PLEKHA2: variants seen among roughly 807,000 people sequenced by gnomAD.
The protein encoded by PLEKHA2 is pleckstrin homology domain-containing family A member 2.
PLEKHA2 carries 28 observed loss-of-function variants against 53.2 expected under a neutral mutation model. The observed-to-expected ratio is 0.53, with a 90% CI of 0.39 to 0.72. PLEKHA2 has a LOEUF of 0.72. PLEKHA2 is among the 30% of genes least tolerant of loss of function. PLEKHA2 has a pLI of 0.00. For missense variants in PLEKHA2, 426 were observed against 537.9 expected, an observed-to-expected ratio of 0.79 and a Z score of 2.06; for synonymous variants, 193 against 196.4, an observed-to-expected ratio of 0.98 and a Z score of 0.14.
chr8:38,948,019 G>A (rs1834747678), intron 5 of PLEKHA2, among the ~76,000 whole-genome samples: 1 of 149,220 alleles, frequency 6.7e-6, no homozygotes, highest in Admixed American at 6.8e-5. Flanking sequence ...CCAGGAGCTG[G>A]AGATTGCAGT....
At chr8:38,954,282 A>C (rs1588271253) in intron 9 of PLEKHA2, among the ~76,000 whole-genome samples, 2 of 152,226 alleles carry the variant, frequency 1.3e-5, no homozygotes, top group East Asian at 3.8e-4. Context: ...TGGCAGTTGC[A>C]GAGTACAGAA....
chr8:38,970,876 C>T lies in PLEKHA2; in HGVS notation c.*1093C>T, dbSNP rs1835236353. The T allele has an allele frequency of 1.3e-5, 2 of 152,172 alleles. No individual in the cohort carries two copies. The highest frequency in any genetic ancestry group is 4.8e-5 in the African/African-American group (2 of 41,440). The allele number at this position is 152,172 out of a possible 1,614,324, so 9.4% of individuals were successfully genotyped here. On this transcript the variant is annotated 3_prime_UTR_variant, in exon 12 of 12. Coordinates refer to ENST00000617275, the MANE Select transcript of PLEKHA2 (RefSeq NM_021623.2). ...TCCATTTGATAAGAAGATGCTATTT[C>T]CAGTGTCCCTGGGAGAATTCTTCCA... is the stretch of plus-strand genomic sequence containing the variant.
intron 3 of PLEKHA2, among the ~76,000 whole-genome samples, chr8:38,938,092 G>C (rs1834530180): frequency 6.6e-6 from 1 of 152,172 alleles, no homozygotes; most frequent in Non-Finnish European, 1.5e-5. Context: ...GCTGCACTTT[G>C]ACCCCTGCCT....
intron 1 of PLEKHA2, 63 bp from the exon 2 acceptor site, chr8:38,917,844 T>C: frequency 6.5e-7 from 1 of 1,535,648 alleles, no homozygotes; most frequent in South Asian, 1.2e-5. Context: ...AAAAGATTCC[T>C]GCAGGTCCTG....
intron 6 of PLEKHA2, among the ~76,000 whole-genome samples, chr8:38,951,469 G>GTTTTTTTTTT (rs144541661): frequency 4.4e-5 from 4 of 91,822 alleles, no homozygotes; most frequent in African/African-American, 9.0e-5. Context: ...ATTTATTTAA[G>GTTTTTTTTTT]TTTTTTTTTT....
chr8:38,925,269 A>G (rs946838681), intron 2 of PLEKHA2, among the ~76,000 whole-genome samples: 3 of 152,212 alleles, frequency 2.0e-5, no homozygotes, highest in Non-Finnish European at 4.4e-5. Flanking sequence ...TCCCGTCATG[A>G]TAGAGGAGAT....
At chr8:38,917,877 T>C (rs1564108534) in intron 1 of PLEKHA2, 30 bp from the exon 2 acceptor site, 2 of 1,593,082 alleles carry the variant, frequency 1.3e-6, no homozygotes, top group Non-Finnish European at 1.7e-6. Context: ...TTCATCTTCC[T>C]TCTCATCAGC....
Position 38,951,865 on chromosome 8 carries a change from T to C in PLEKHA2, c.487-301T>C, listed in dbSNP as rs1055400664. Reference sequence around the variant, plus strand: ...GGGACTACACGCCTGGGTAATTCTTTTTTTTAATTTTTAAATTTTAAAATC... The same window carrying C: ...GGGACTACACGCCTGGGTAATTCTTCTTTTTAATTTTTAAATTTTAAAATC... On this transcript the variant is annotated intron_variant, in intron 6 of 11. Coordinates refer to ENST00000617275, the MANE Select transcript of PLEKHA2 (RefSeq NM_021623.2). 1.6e-4 allele frequency among the ~76,000 whole-genome samples: 25 copies of C among 152,282 alleles called. No homozygotes were observed. In the East Asian group the frequency reaches 3.3e-3, roughly 20 times the overall value.
intron 3 of PLEKHA2, 142 bp downstream of exon 3, chr8:38,936,192 C>A: frequency 1.1e-6 from 1 of 878,270 alleles, no homozygotes; most frequent in Non-Finnish European, 1.8e-6. Context: ...CCACACAATG[C>A]CTGTGGAGGC....
intron 8 of PLEKHA2, 61 bp from the exon 9 acceptor site, chr8:38,953,236 G>T: frequency 7.3e-7 from 1 of 1,367,342 alleles, no homozygotes; most frequent in Non-Finnish European, 1.0e-6. Context: ...TGGTCAGCTG[G>T]TCTGGGTCGT....
intron 3 of PLEKHA2, among the ~76,000 whole-genome samples, chr8:38,943,046 C>T (rs1236372877): frequency 1.3e-5 from 2 of 152,116 alleles, no homozygotes; most frequent in East Asian, 1.9e-4. Context: ...GATTGGAATC[C>T]ATGCATTTGT....
chr8:38,954,024 G>A (rs1209706446), intron 9 of PLEKHA2, among the ~76,000 whole-genome samples: 2 of 152,186 alleles, frequency 1.3e-5, no homozygotes, highest in Non-Finnish European at 2.9e-5. Flanking sequence ...CTAAACTTTA[G>A]AGACCCTAAG....
rs186046158 is a variant in PLEKHA2, at chr8:38,957,909, G to A, written c.837+523G>A. 9.5e-3 allele frequency among the ~76,000 whole-genome samples: 1,452 copies of A among 152,332 alleles called. 12 individuals carry two copies. The highest frequency in any genetic ancestry group is 0.015 in the Non-Finnish European group (988 of 68,038). ...ACTCCTTCTAAAGTCATAGGAACTA[G>A]AAAGGCAGATTTCCAAGCAGGGACT... is the stretch of plus-strand genomic sequence containing the variant. On this transcript the variant is annotated intron_variant, in intron 10 of 11. Coordinates refer to ENST00000617275, the MANE Select transcript of PLEKHA2 (RefSeq NM_021623.2).
intron 1 of PLEKHA2, among the ~76,000 whole-genome samples, chr8:38,912,573 A>G (rs1302928867): frequency 2.0e-5 from 3 of 152,218 alleles, no homozygotes; most frequent in Non-Finnish European, 2.9e-5. Context: ...AAGAAGAGGA[A>G]GAGCCAGAGA....
chr8:38,952,003 G>A lies in PLEKHA2; in HGVS notation c.487-163G>A, dbSNP rs562305592. ...GGGCTCAAGCGATCCTCCTGCCTTG[G>A]CCTCCCAAAGTGTTGGGATTACAGG... On this transcript the variant is annotated intron_variant, in intron 6 of 11. Transcript: ENST00000617275. 3.3e-3 allele frequency among the ~76,000 whole-genome samples: 507 copies of A among 152,274 alleles called. 5 individuals carry two copies. Among genetic ancestry groups the A allele is most frequent in the African/African-American group, 0.011 (472 of 41,548 alleles).
At chr8:38,967,937 AG>A (rs1835171715) in intron 10 of PLEKHA2, among the ~76,000 whole-genome samples, 1 of 152,172 alleles carries the variant, frequency 6.6e-6, no homozygotes, top group Non-Finnish European at 1.5e-5. Context: ...CTGAGATTAC[AG>A]GCATGAGCCA....
In PLEKHA2 at chr8:38,933,790, A is replaced by AAAAAAAAAAAAAAAAAAAAAAG. The variant is rs71216697; in HGVS notation, c.142-2200_142-2199insAAAAAAAAAAAAAAAAAGAAAA. On this transcript the variant is annotated intron_variant, in intron 2 of 11. Transcript: ENST00000617275. ...AATAGAGGTTTCCTAAAAAAAAAAA[A>AAAAAAAAAAAAAAAAAAAAAAG]AAAAGAAAAGAAAGAAAAGCAGTCG... Among the ~76,000 whole-genome samples the AAAAAAAAAAAAAAAAAAAAAAG allele has an allele frequency of 1.2e-3, 110 of 90,614 alleles. 7 individuals carry two copies. The highest frequency in any genetic ancestry group is 2.2e-3 in the Non-Finnish European group (89 of 40,784). The allele number at this position is 90,614 out of a possible 152,430, so 59.4% of individuals were successfully genotyped here. A position where few individuals can be genotyped will look rare whatever the true frequency, so the allele number is the denominator to read the frequency against.
chr8:38,948,752 G>A (rs1018235851), intron 5 of PLEKHA2, among the ~76,000 whole-genome samples: 2 of 152,142 alleles, frequency 1.3e-5, no homozygotes, highest in South Asian at 2.1e-4. Flanking sequence ...CTTTTCTCTC[G>A]AAGTCCCGGT....
Position 38,920,202 on chromosome 8 carries a change from G to A in PLEKHA2, c.141+2132G>A, listed in dbSNP as rs533843769. Among the ~76,000 whole-genome samples, 10 of 152,226 alleles carry A rather than the reference G, an allele frequency of 6.6e-5. 1 individual carries two copies. The South Asian group carries it at 2.1e-3, about 32-fold the overall frequency. ...GTCTCTCTCTGTTGCCCAGGCTAGA[G>A]TGCAGTGGCGCGATCTCGGCTCGCT... On this transcript the variant is annotated intron_variant, in intron 2 of 11. Coordinates refer to ENST00000617275, the MANE Select transcript of PLEKHA2 (RefSeq NM_021623.2).
Sources: gnomAD v4.1 joint callset for allele counts (sites outside exome capture counted in the v4.1 genomes callset) on GRCh38, gnomAD v4.1.1 for gene constraint, MANE v1.5 for transcripts, NCBI Gene and HGNC (gene_info 2026-07-23, HGNC 2026-07-21) for gene names.